Variants in UNC13C observed in about 807,000 individuals in gnomAD.
The protein encoded by UNC13C is unc-13 homolog C.
UNC13C carries 174 observed loss-of-function variants against 245.4 expected under a neutral mutation model. That is an observed-to-expected ratio of 0.71 (90% CI 0.63 to 0.80). The LOEUF is 0.80. UNC13C is among the 30% of genes least tolerant of loss of function. The pLI, the probability that UNC13C is intolerant of heterozygous loss-of-function variation, is 0.00. For synonymous variants in UNC13C, 992 were observed against 895.1 expected, an observed-to-expected ratio of 1.11 and a Z score of -1.93; for missense variants, 2,829 against 2,602.9, an observed-to-expected ratio of 1.09 and a Z score of -1.89.
intron 2 of UNC13C, among the ~76,000 whole-genome samples, chr15:54,112,398 A>T (rs937925098): frequency 3.3e-5 from 5 of 152,168 alleles, no homozygotes; most frequent in Non-Finnish European, 7.3e-5. Flanking sequence ...TCTGATTTAC[A>T]TAGGGCCCAA....
intron 4 of UNC13C, among the ~76,000 whole-genome samples, chr15:54,172,197 A>G (rs748353687): frequency 6.6e-6 from 1 of 152,102 alleles, no homozygotes; most frequent in Non-Finnish European, 1.5e-5. Context: ...TGACAGCACA[A>G]TGAGGTGACT....
intron 17 of UNC13C, among the ~76,000 whole-genome samples, chr15:54,374,114 C>G (rs2039553617): frequency 6.6e-6 from 1 of 152,162 alleles, no homozygotes; most frequent in South Asian, 2.1e-4. Flanking sequence ...CTCCCCAAGT[C>G]TGTCTGAGTC....
chr15:53,846,913 G>T, the UNC13C span, among the ~76,000 whole-genome samples: 2 of 152,268 alleles, frequency 1.3e-5, no homozygotes, highest in South Asian at 4.1e-4. Flanking sequence ...CTCCGTGACT[G>T]TGAGTCCATA....
At chr15:54,370,411 A>G (rs186208981) in intron 17 of UNC13C, among the ~76,000 whole-genome samples, 1 of 152,294 alleles carries the variant, frequency 6.6e-6, no homozygotes, top group East Asian at 1.9e-4. Context: ...ACATTTAGAC[A>G]TATAGATTTA....
At chr15:54,156,170 A>C (rs1032407923) in intron 4 of UNC13C, among the ~76,000 whole-genome samples, 3 of 152,238 alleles carry the variant, frequency 2.0e-5, no homozygotes, top group African/African-American at 7.2e-5. Context: ...CTAGAGCAGA[A>C]TCATCTGCCA....
downstream of UNC13C, chr15:54,632,477 A>G (rs750694100): frequency 3.9e-5 from 6 of 152,174 alleles, no homozygotes; most frequent in Non-Finnish European, 5.9e-5. Context: ...GGGTATTACA[A>G]TTTGGCCTAT....
At chr15:53,884,633 C>T in the UNC13C span, among the ~76,000 whole-genome samples, 3 of 152,244 alleles carry the variant, frequency 2.0e-5, no homozygotes, top group Non-Finnish European at 2.9e-5. Flanking sequence ...TCGCACCTGG[C>T]CAACTACTTC....
chr15:54,489,933 A>G (rs541579255), intron 19 of UNC13C, among the ~76,000 whole-genome samples: 4 of 152,334 alleles, frequency 2.6e-5, no homozygotes, highest in East Asian at 1.9e-4. Context: ...ATCTTTTATT[A>G]TATCAGCTGA....
chr15:53,890,550 T>C, the UNC13C span, among the ~76,000 whole-genome samples: 1 of 152,222 alleles, frequency 6.6e-6, no homozygotes, highest in African/African-American at 2.4e-5. Flanking sequence ...GAACTTGTTA[T>C]TGGTCTATTC....
chr15:54,459,577 GT>G (rs886692566), intron 19 of UNC13C, among the ~76,000 whole-genome samples: 2 of 152,022 alleles, frequency 1.3e-5, no homozygotes, highest in Non-Finnish European at 2.9e-5. Context: ...TTTCTTGGAA[GT>G]TTTTTTCATT....
intron 7 of UNC13C, among the ~76,000 whole-genome samples, chr15:54,238,755 G>C (rs907720671): frequency 1.3e-5 from 2 of 152,176 alleles, no homozygotes; most frequent in South Asian, 2.1e-4. Context: ...TTAGCACACT[G>C]TCTGGCATGA....
At chr15:54,005,588 G>A (rs1455672728) in intron 1 of UNC13C, among the ~76,000 whole-genome samples, 2 of 152,330 alleles carry the variant, frequency 1.3e-5, no homozygotes, top group South Asian at 2.1e-4. Flanking sequence ...TGTAAGAGCT[G>A]TTTGGTAAAC....
intron 4 of UNC13C, among the ~76,000 whole-genome samples, chr15:54,197,579 A>T (rs1221627292): frequency 2.0e-5 from 3 of 152,164 alleles, no homozygotes; most frequent in Non-Finnish European, 4.4e-5. Flanking sequence ...AGGCTTTGAG[A>T]ATAATTGAGT....
intron 2 of UNC13C, among the ~76,000 whole-genome samples, chr15:54,084,136 C>T (rs1377279931): frequency 1.3e-5 from 2 of 152,222 alleles, no homozygotes; most frequent in African/African-American, 4.8e-5. Context: ...CAGCCAGACT[C>T]TTGCTACTTT....
rs575388616 is a variant in UNC13C, at chr15:53,988,385, C to T, written c.-257+9458C>T. 3.5e-4 allele frequency among the ~76,000 whole-genome samples: 53 copies of T among 151,906 alleles called. No individual in the cohort carries two copies. The East Asian group carries it at 4.3e-3, about 12-fold the overall frequency. On this transcript the variant is annotated intron_variant, in intron 1 of 32. Coordinates refer to ENST00000260323, the MANE Select transcript of UNC13C (RefSeq NM_001080534.3). The stretch of plus-strand genomic sequence containing the variant: ...CAGGGAGAATATTCCAGACAAAATG[C>T]TTATGGGACATAAAAAAATAACAAA...
intron 30 of UNC13C, among the ~76,000 whole-genome samples, chr15:54,581,439 A>T (rs1185736886): frequency 1.3e-5 from 2 of 152,242 alleles, no homozygotes; most frequent in Admixed American, 6.5e-5. Flanking sequence ...TCCAAGATCA[A>T]TGTGCCACCA....
the UNC13C span, among the ~76,000 whole-genome samples, chr15:53,846,557 A>G: frequency 5.9e-5 from 9 of 152,166 alleles, no homozygotes; most frequent in African/African-American, 2.2e-4. Context: ...TACTTTACAG[A>G]GTTAGATGGG....
In UNC13C at chr15:54,208,158, A is replaced by G. The variant is rs576294972; in HGVS notation, c.3072-26872A>G. Among the ~76,000 whole-genome samples, 3 of 152,090 alleles carry G rather than the reference A, an allele frequency of 2.0e-5. No homozygotes were observed. In the East Asian group the frequency reaches 5.9e-4, roughly 30 times the overall value. On this transcript the variant is annotated intron_variant, in intron 4 of 32. Coordinates refer to ENST00000260323, the MANE Select transcript of UNC13C (RefSeq NM_001080534.3). Reference sequence around the variant, plus strand: ...AGAGCAGGAAAAAGATAGAAAGAGGAAAGAGGTGCCACATACTCTTAAACA... The same window carrying G: ...AGAGCAGGAAAAAGATAGAAAGAGGGAAGAGGTGCCACATACTCTTAAACA...
At chr15:53,956,875 A>AGTGTGTGTGTGT in the UNC13C span, among the ~76,000 whole-genome samples, 40,145 of 139,464 alleles carry the variant, frequency 0.29, 6,514 homozygotes, top group Admixed American at 0.39. Context: ...GTTAAGCTCA[A>AGTGTGTGTGTGT]GTGTGTGTGT....
Sources: allele counts gnomAD v4.1 joint callset (sites outside exome capture counted in the v4.1 genomes callset), GRCh38; gene constraint gnomAD v4.1.1; transcripts MANE v1.5; gene names NCBI Gene and HGNC (gene_info 2026-07-23, HGNC 2026-07-21).